Variants in CA10 observed in about 807,000 individuals in gnomAD.
CA10 encodes the protein carbonic anhydrase-related protein 10.
Under a neutral mutation model 44.2 loss-of-function variants are expected in CA10, and 14 were observed. That is an observed-to-expected ratio of 0.32 (90% CI 0.21 to 0.50). CA10 has a LOEUF of 0.50. CA10 is among the 20% of genes least tolerant of loss of function. The pLI, the probability that CA10 is intolerant of heterozygous loss-of-function variation, is 0.99. For synonymous variants in CA10, 159 were observed against 141.6 expected, an observed-to-expected ratio of 1.12 and a Z score of -0.87; for missense variants, 350 against 409.7, an observed-to-expected ratio of 0.85 and a Z score of 1.26.
chr17:52,031,041 A>G (rs1986450997), intron 2 of CA10, among the ~76,000 whole-genome samples: 1 of 152,142 alleles, frequency 6.6e-6, no homozygotes, highest in South Asian at 2.1e-4. Context: ...ATTTATCCAT[A>G]CATATTTTAT....
chr17:52,005,087 C>T (rs760593903), intron 2 of CA10, among the ~76,000 whole-genome samples: 11 of 151,874 alleles, frequency 7.2e-5, no homozygotes, highest in Admixed American at 6.6e-4. Context: ...TAACCAAGAT[C>T]CTGGATCTCC....
At chr17:52,113,435 A>T (rs921627143) in intron 1 of CA10, among the ~76,000 whole-genome samples, 2 of 152,200 alleles carry the variant, frequency 1.3e-5, no homozygotes, top group African/African-American at 2.4e-5. Context: ...CATATGCATA[A>T]GGCATTGCCC....
At chr17:51,909,703 T>A (rs1981711122) in intron 3 of CA10, among the ~76,000 whole-genome samples, 1 of 152,112 alleles carries the variant, frequency 6.6e-6, no homozygotes, top group Non-Finnish European at 1.5e-5. Flanking sequence ...TTTTTATAAT[T>A]TAGTTTCCCA....
At chr17:51,960,466 A>C (rs1983846828) in intron 2 of CA10, among the ~76,000 whole-genome samples, 1 of 152,170 alleles carries the variant, frequency 6.6e-6, no homozygotes, top group South Asian at 2.1e-4. Context: ...AAAACACTAA[A>C]ATCCAAAGAT....
At chr17:52,117,711 A>G (rs1424265947) in intron 1 of CA10, among the ~76,000 whole-genome samples, 1 of 152,266 alleles carries the variant, frequency 6.6e-6, no homozygotes, top group Non-Finnish European at 1.5e-5. Flanking sequence ...AGTTACCACT[A>G]TAACATGTAA....
intron 2 of CA10, among the ~76,000 whole-genome samples, chr17:52,052,283 A>C (rs1408375294): frequency 2.7e-5 from 3 of 109,684 alleles, no homozygotes; most frequent in East Asian, 5.5e-4. Flanking sequence ...CCCTGAACTT[A>C]AAAGGCTTTT....
chr17:51,670,951 G>A (rs1051001579), intron 4 of CA10, among the ~76,000 whole-genome samples: 2 of 149,872 alleles, frequency 1.3e-5, no homozygotes, highest in Non-Finnish European at 3.0e-5. Context: ...TCTAATAGAC[G>A]GAAGTGCTCT....
intron 3 of CA10, among the ~76,000 whole-genome samples, chr17:51,786,393 A>G (rs116045578): frequency 7.2e-4 from 109 of 152,272 alleles, no homozygotes; most frequent in African/African-American, 2.2e-3. Flanking sequence ...CTCTATGAAA[A>G]ATACAAAAAT....
At chr17:51,826,807 C>T (rs1908025128) in intron 3 of CA10, among the ~76,000 whole-genome samples, 1 of 152,190 alleles carries the variant, frequency 6.6e-6, no homozygotes, top group African/African-American at 2.4e-5. Flanking sequence ...ATTGGTCTGG[C>T]TATGTCCCTC....
At chr17:51,740,810 C>G (rs975871186) in intron 4 of CA10, among the ~76,000 whole-genome samples, 2 of 152,156 alleles carry the variant, frequency 1.3e-5, no homozygotes, top group African/African-American at 4.8e-5. Context: ...CAGACATCTC[C>G]CTGGCAACCT....
chr17:52,101,743 C>T (rs1404735549), intron 1 of CA10, among the ~76,000 whole-genome samples: 4 of 152,216 alleles, frequency 2.6e-5, no homozygotes, highest in Admixed American at 2.6e-4. Context: ...CTCTTCAGTG[C>T]TACCCTCTGG....
At chr17:51,830,210 A>AG in intron 3 of CA10, among the ~76,000 whole-genome samples, 1 of 151,102 alleles carries the variant, frequency 6.6e-6, no homozygotes, top group South Asian at 2.1e-4. Flanking sequence ...AAAAAAAAAA[A>AG]AAAAAAGAAA....
At chr17:52,003,363 C>T (rs763144796) in intron 2 of CA10, among the ~76,000 whole-genome samples, 28 of 151,868 alleles carry the variant, frequency 1.8e-4, no homozygotes, top group Non-Finnish European at 3.7e-4. Context: ...ACCTTATCAT[C>T]TCCCTACAAG....
At chr17:52,123,371 G>GTGT (rs141757678) in intron 1 of CA10, among the ~76,000 whole-genome samples, 2 of 146,244 alleles carry the variant, frequency 1.4e-5, no homozygotes, top group South Asian at 2.2e-4. Context: ...ATATATATGG[G>GTGT]GTGTGTGTGT....
intron 4 of CA10, among the ~76,000 whole-genome samples, chr17:51,721,979 G>C: frequency 6.6e-6 from 1 of 152,168 alleles, no homozygotes. Flanking sequence ...AAGAGGGGTT[G>C]TAGGATTTAT....
chr17:52,062,264 A>G (rs147909664), intron 2 of CA10, among the ~76,000 whole-genome samples: 15 of 152,120 alleles, frequency 9.9e-5, no homozygotes, highest in Non-Finnish European at 2.1e-4. Context: ...GCTTACAGTA[A>G]GATATGGCAG....
intron 2 of CA10, among the ~76,000 whole-genome samples, chr17:51,953,313 T>C (rs1456270779): frequency 6.6e-6 from 1 of 152,156 alleles, no homozygotes; most frequent in Non-Finnish European, 1.5e-5. Flanking sequence ...ACCATCTTTA[T>C]TATATACTCA....
At chr17:51,744,314 CAAA>C (rs35791301) in intron 4 of CA10, among the ~76,000 whole-genome samples, 3 of 113,046 alleles carry the variant, frequency 2.7e-5, no homozygotes, top group African/African-American at 6.5e-5. Flanking sequence ...GACTCCATCT[CAAA>C]AAAAAAAAAA....
At chr17:51,959,275 T>TCTCG (rs769191259) in intron 2 of CA10, among the ~76,000 whole-genome samples, 7,402 of 101,864 alleles carry the variant, frequency 0.073, 228 homozygotes, top group Admixed American at 0.14. Context: ...TCTCTCGCTC[T>TCTCG]CTCTCTCTGT....
Sources: gnomAD v4.1 joint callset for allele counts (sites outside exome capture counted in the v4.1 genomes callset) on GRCh38, gnomAD v4.1.1 for gene constraint, MANE v1.5 for transcripts, NCBI Gene and HGNC (gene_info 2026-07-23, HGNC 2026-07-21) for gene names.